The following LRP1B variants were observed in gnomAD, a reference collection of about 807,000 sequenced individuals.
LRP1B encodes the protein low-density lipoprotein receptor-related protein 1B.
Under a neutral mutation model 556.6 loss-of-function variants are expected in LRP1B, and 217 were observed. That is an observed-to-expected ratio of 0.39 (90% CI 0.35 to 0.44). The LOEUF (loss-of-function observed/expected upper bound fraction) is 0.44, where lower values mean the gene tolerates loss of function less well. Among genes scored for constraint, LRP1B ranks in the 20% least tolerant of loss-of-function variants. The pLI is 1.00. For missense variants in LRP1B, 5,053 were observed against 5,620.8 expected, an observed-to-expected ratio of 0.90 and a Z score of 3.23; for synonymous variants, 2,047 against 1,865.8, an observed-to-expected ratio of 1.10 and a Z score of -2.50.
At chr2:141,867,551 A>G (rs1290137669) in intron 1 of LRP1B, among the ~76,000 whole-genome samples, 1 of 152,194 alleles carries the variant, frequency 6.6e-6, no homozygotes, top group Non-Finnish European at 1.5e-5. Context: ...ACTTAGGTAG[A>G]AAATAAGATG....
At chr2:140,548,534 A>G (rs546262378) in intron 43 of LRP1B, among the ~76,000 whole-genome samples, 16 of 152,286 alleles carry the variant, frequency 1.1e-4, no homozygotes, top group African/African-American at 3.6e-4. Context: ...TAAAACATTT[A>G]GCAACTACTG....
chr2:140,560,175 T>TA (rs888629878), intron 43 of LRP1B, among the ~76,000 whole-genome samples: 1 of 151,952 alleles, frequency 6.6e-6, no homozygotes. Flanking sequence ...AGGGACATGC[T>TA]AAAAAACAAC....
At position 140,331,659 on chromosome 2, in the gene LRP1B, T is replaced by C. The variant is rs180946471; in HGVS notation, c.12223+2794A>G. ...ATATTATTTCATATATCTGGCATTT[T>C]TAAAGTTAGTTATCACTATATATAT... On this transcript the variant is annotated intron_variant, in intron 79 of 90. Transcript: ENST00000389484. 1.9e-3 allele frequency among the ~76,000 whole-genome samples: 278 copies of C among 144,374 alleles called. 1 individual carries two copies. Among genetic ancestry groups the C allele is most frequent in the African/African-American group, 6.7e-3 (263 of 39,000 alleles). The allele number at this position is 144,374 out of a possible 152,430, so 94.7% of individuals were successfully genotyped here. A position where few individuals can be genotyped will look rare whatever the true frequency, so the allele number is the denominator to read the frequency against.
chr2:141,232,036 A>T (rs1683492136), intron 5 of LRP1B, among the ~76,000 whole-genome samples: 1 of 152,198 alleles, frequency 6.6e-6, no homozygotes, highest in Admixed American at 6.5e-5. Flanking sequence ...AGAATTGTGA[A>T]TCATCTCTGC....
intron 41 of LRP1B, among the ~76,000 whole-genome samples, chr2:140,653,417 G>A (rs781192222): frequency 6.6e-6 from 1 of 151,862 alleles, no homozygotes; most frequent in Non-Finnish European, 1.5e-5. Flanking sequence ...AGAGATAATT[G>A]TTGAATCCGT....
At chr2:141,514,567 C>G (rs1007643294) in intron 2 of LRP1B, among the ~76,000 whole-genome samples, 1 of 152,000 alleles carries the variant, frequency 6.6e-6, no homozygotes, top group Non-Finnish European at 1.5e-5. Flanking sequence ...GGGCACAGGT[C>G]AGAAAAGAGC....
At chr2:141,342,257 AT>A (rs200151290) in intron 3 of LRP1B, among the ~76,000 whole-genome samples, 26 of 121,508 alleles carry the variant, frequency 2.1e-4, no homozygotes, top group Admixed American at 5.7e-4. Context: ...AAAAAAAAAA[AT>A]AAAATAAATA....
intron 2 of LRP1B, among the ~76,000 whole-genome samples, chr2:141,677,053 G>A (rs550017874): frequency 1.3e-5 from 2 of 152,170 alleles, no homozygotes; most frequent in African/African-American, 4.8e-5. Context: ...TCTTATGAAG[G>A]AAACCAAATA....
intron 79 of LRP1B, among the ~76,000 whole-genome samples, chr2:140,327,117 CAACTGAAG>C (rs1680529733): frequency 6.6e-6 from 1 of 152,052 alleles, no homozygotes; most frequent in African/African-American, 2.4e-5. Context: ...ATACCTTAGG[CAACTGAAG>C]AGTGTTCCCA....
intron 68 of LRP1B, among the ~76,000 whole-genome samples, chr2:140,376,744 T>C (rs908691158): frequency 9.9e-5 from 15 of 152,106 alleles, no homozygotes; most frequent in African/African-American, 3.1e-4. Flanking sequence ...CTGTTGAATG[T>C]GGTTATTGTG....
intron 41 of LRP1B, among the ~76,000 whole-genome samples, chr2:140,682,968 C>G (rs1372405481): frequency 6.6e-6 from 1 of 152,148 alleles, no homozygotes; most frequent in Admixed American, 6.5e-5. Flanking sequence ...GCAAATTACA[C>G]AGAAAGAAAA....
chr2:140,720,146 T>C (rs906638646), intron 35 of LRP1B, among the ~76,000 whole-genome samples: 5 of 152,040 alleles, frequency 3.3e-5, no homozygotes, highest in African/African-American at 1.2e-4. Context: ...AGTACCTCCA[T>C]TCAATAGATA....
chr2:141,646,029 C>T (rs930910476), intron 2 of LRP1B, among the ~76,000 whole-genome samples: 8 of 152,112 alleles, frequency 5.3e-5, no homozygotes, highest in African/African-American at 7.2e-5. Context: ...ATTCTACATA[C>T]TTCATGTCAT....
rs2105131225 is a variant in LRP1B, at chr2:141,500,567, T to G, written c.206-20034A>C. On this transcript the variant is annotated intron_variant, in intron 2 of 90. Coordinates refer to ENST00000389484, the MANE Select transcript of LRP1B (RefSeq NM_018557.3). ...TGGATGGAGTCTGGGAATTATATGG[T>G]AAGTCAATGATTTAAAAATTCAGAA... 1.3e-5 allele frequency among the ~76,000 whole-genome samples: 2 copies of G among 152,240 alleles called. 1 individual carries two copies. Among genetic ancestry groups the G allele is most frequent in the Middle Eastern group, 6.8e-3 (2 of 294 alleles).
intron 1 of LRP1B, among the ~76,000 whole-genome samples, chr2:141,836,353 G>T (rs1391503931): frequency 2.0e-5 from 3 of 151,940 alleles, no homozygotes; most frequent in Non-Finnish European, 4.4e-5. Context: ...CTGATTAAAA[G>T]TATTTTGCTT....
intron 1 of LRP1B, among the ~76,000 whole-genome samples, chr2:142,053,418 C>T (rs191631655): frequency 3.9e-5 from 6 of 151,916 alleles, no homozygotes; most frequent in Admixed American, 3.9e-4. Flanking sequence ...CTCTTAGACT[C>T]CAACATTAGA....
chr2:141,519,727 A>T (rs990849697), intron 2 of LRP1B, among the ~76,000 whole-genome samples: 1 of 152,086 alleles, frequency 6.6e-6, no homozygotes, highest in Non-Finnish European at 1.5e-5. Flanking sequence ...GTAGACCTGT[A>T]CTCAATGTGT....
rs191661438 is a variant in LRP1B at position 140,945,471 on chromosome 2, A to G, written c.3136+4764T>C. Among the ~76,000 whole-genome samples the G allele has an allele frequency of 5.9e-5, 9 of 152,318 alleles. No homozygotes were observed. The East Asian group carries it at 1.7e-3, about 29-fold the overall frequency. Reference sequence around the variant, plus strand: ...CAACTTCAAACTATACTACAAGGCTACAGTAGCCCAAACAGCATGATAATG... The same window carrying G: ...CAACTTCAAACTATACTACAAGGCTGCAGTAGCCCAAACAGCATGATAATG... On this transcript the variant is annotated intron_variant, in intron 20 of 90. Coordinates refer to ENST00000389484, the MANE Select transcript of LRP1B (RefSeq NM_018557.3).
chr2:141,122,062 A>C (rs1364382032), intron 7 of LRP1B, among the ~76,000 whole-genome samples: 1 of 152,206 alleles, frequency 6.6e-6, no homozygotes, highest in African/African-American at 2.4e-5. Flanking sequence ...AGAAAGCTGA[A>C]ACTGGATCCC....
Sources: gnomAD v4.1 joint callset for allele counts (sites outside exome capture counted in the v4.1 genomes callset) on GRCh38, gnomAD v4.1.1 for gene constraint, MANE v1.5 for transcripts, NCBI Gene and HGNC (gene_info 2026-07-23, HGNC 2026-07-21) for gene names.